PXDNL: variants seen among roughly 807,000 people sequenced by gnomAD.
The protein encoded by PXDNL is probable oxidoreductase PXDNL.
Under a neutral mutation model 150.8 loss-of-function variants are expected in PXDNL, and 145 were observed. The ratio of observed to expected loss-of-function variants is 0.96; its 90% CI spans 0.84 to 1.10. The LOEUF (loss-of-function observed/expected upper bound fraction) is 1.10. Ranked by LOEUF, PXDNL falls within the 50% of genes least tolerant of loss-of-function variation. The pLI is 0.00. For synonymous variants in PXDNL, 757 were observed against 725.7 expected, an observed-to-expected ratio of 1.04 and a Z score of -0.69; for missense variants, 2,087 against 1,873.9, an observed-to-expected ratio of 1.11 and a Z score of -2.10.
At chr8:51,428,074 A>G (rs1490153690) in intron 12 of PXDNL, among the ~76,000 whole-genome samples, 1 of 152,246 alleles carries the variant, frequency 6.6e-6, no homozygotes, top group Non-Finnish European at 1.5e-5. Flanking sequence ...TTTATATGCA[A>G]TCAACGAACA....
chr8:51,449,620 G>A (rs1377355086), intron 10 of PXDNL, among the ~76,000 whole-genome samples: 1 of 152,174 alleles, frequency 6.6e-6, no homozygotes. Flanking sequence ...TCAAAATTCA[G>A]AGTTCCAAAT....
chr8:51,749,550 G>A (rs1212963552), intron 1 of PXDNL, among the ~76,000 whole-genome samples: 2 of 152,180 alleles, frequency 1.3e-5, no homozygotes, highest in Non-Finnish European at 2.9e-5. Flanking sequence ...CGCCTGCATA[G>A]GGCACTCACT....
At chr8:51,608,054 A>AAAGAAAGAAAGCAAGCAAGCAAGC (rs1554557536) in intron 2 of PXDNL, among the ~76,000 whole-genome samples, 1 of 111,596 alleles carries the variant, frequency 9.0e-6, no homozygotes, top group Non-Finnish European at 1.8e-5. Flanking sequence ...AGAAAGAAAG[A>AAAGAAAGAAAGCAAGCAAGCAAGC]AAGCAAGCAA....
intron 4 of PXDNL, among the ~76,000 whole-genome samples, chr8:51,534,972 G>T (rs1812032405): frequency 8.7e-6 from 1 of 115,082 alleles, no homozygotes; most frequent in Non-Finnish European, 1.7e-5. Flanking sequence ...GAGGTGGGGG[G>T]GTCAGCCCCC....
chr8:51,328,994 T>C (rs1266484303), intron 21 of PXDNL, among the ~76,000 whole-genome samples: 2 of 152,166 alleles, frequency 1.3e-5, no homozygotes, highest in Non-Finnish European at 2.9e-5. Flanking sequence ...GCTTCCTGAC[T>C]CACTTAATCA....
At chr8:51,510,182 C>A (rs1431464909) in intron 4 of PXDNL, among the ~76,000 whole-genome samples, 1 of 152,088 alleles carries the variant, frequency 6.6e-6, no homozygotes, top group African/African-American at 2.4e-5. Flanking sequence ...TGGGAAGAGT[C>A]CACAGAGCCA....
At chr8:51,522,607 G>A (rs1209838816) in intron 4 of PXDNL, among the ~76,000 whole-genome samples, 30 of 152,174 alleles carry the variant, frequency 2.0e-4, no homozygotes, top group Admixed American at 2.0e-3. Flanking sequence ...ACTTTGGGGG[G>A]CCGAAGTGGG....
chr8:51,700,306 TAC>T (rs1816228326), intron 1 of PXDNL, among the ~76,000 whole-genome samples: 1 of 151,548 alleles, frequency 6.6e-6, no homozygotes, highest in Non-Finnish European at 1.5e-5. Context: ...TACACATGTA[TAC>T]ACACATACAA....
chr8:51,729,958 T>C (rs1434933636), intron 1 of PXDNL, among the ~76,000 whole-genome samples: 2 of 152,154 alleles, frequency 1.3e-5, no homozygotes, highest in Non-Finnish European at 2.9e-5. Context: ...GATCAATGTT[T>C]GCCAATGGTT....
At chr8:51,532,278 T>C (rs7014373) in intron 4 of PXDNL, among the ~76,000 whole-genome samples, 12,100 of 152,262 alleles carry the variant, frequency 0.079, 775 homozygotes, top group East Asian at 0.23. Flanking sequence ...CAGTATTATA[T>C]AGTGATATTC....
At chr8:51,381,030 C>T (rs1282324918) in intron 17 of PXDNL, among the ~76,000 whole-genome samples, 1 of 151,998 alleles carries the variant, frequency 6.6e-6, no homozygotes, top group Middle Eastern at 3.2e-3. Context: ...CTTGAGTTTT[C>T]AATGCTTTGT....
intron 5 of PXDNL, among the ~76,000 whole-genome samples, chr8:51,495,577 A>G (rs900160243): frequency 1.3e-5 from 2 of 152,230 alleles, no homozygotes; most frequent in Non-Finnish European, 2.9e-5. Context: ...AATAGATGCA[A>G]TAAAAAATGA....
intron 1 of PXDNL, among the ~76,000 whole-genome samples, chr8:51,752,004 G>C (rs2037050371): frequency 6.6e-6 from 1 of 152,132 alleles, no homozygotes; most frequent in Non-Finnish European, 1.5e-5. Context: ...ACAAGGAGAA[G>C]GCCTGGAAAT....
At chr8:51,401,333 G>A (rs3097696) in intron 17 of PXDNL, among the ~76,000 whole-genome samples, 11 of 152,296 alleles carry the variant, frequency 7.2e-5, no homozygotes, top group African/African-American at 2.6e-4. Context: ...AGCTAGGAGA[G>A]AGCCTTCATC....
chr8:51,595,634 G>A (rs1375084798), intron 2 of PXDNL, among the ~76,000 whole-genome samples: 1 of 152,114 alleles, frequency 6.6e-6, no homozygotes, highest in African/African-American at 2.4e-5. Context: ...CTTCATTTCT[G>A]TGCGTACCAA....
intron 1 of PXDNL, among the ~76,000 whole-genome samples, chr8:51,806,369 A>C (rs1391470073): frequency 2.0e-5 from 3 of 152,214 alleles, no homozygotes; most frequent in African/African-American, 7.2e-5. Flanking sequence ...AACATACATA[A>C]GGGCGGTTTA....
At chr8:51,785,587 T>G (rs537917976) in intron 1 of PXDNL, among the ~76,000 whole-genome samples, 200 of 152,322 alleles carry the variant, frequency 1.3e-3, no homozygotes, top group African/African-American at 4.4e-3. Flanking sequence ...TATTATTATA[T>G]CTGTTATAGT....
chr8:51,778,273 C>T (rs2037375464), intron 1 of PXDNL, among the ~76,000 whole-genome samples: 1 of 21,720 alleles, frequency 4.6e-5, no homozygotes, highest in Non-Finnish European at 1.2e-4. Flanking sequence ...GAGCAAGAAT[C>T]TGTCTCAAAA....
intron 2 of PXDNL, among the ~76,000 whole-genome samples, chr8:51,593,750 T>C (rs1813500779): frequency 6.6e-6 from 1 of 152,188 alleles, no homozygotes; most frequent in African/African-American, 2.4e-5. Flanking sequence ...ACCTCACCTA[T>C]GGCACCAGAG....
Sources: allele counts gnomAD v4.1 joint callset (sites outside exome capture counted in the v4.1 genomes callset), GRCh38; gene constraint gnomAD v4.1.1; transcripts MANE v1.5; gene names NCBI Gene and HGNC (gene_info 2026-07-23, HGNC 2026-07-21).